PSD2: variants seen among roughly 807,000 people sequenced by gnomAD.
PSD2 encodes the protein pleckstrin and Sec7 domain containing 2, also known as PH and SEC7 domain-containing protein 2.
In PSD2, 38 loss-of-function variants were observed where a neutral mutation model predicts 69.8. The observed-to-expected ratio is 0.54, with a 90% CI of 0.42 to 0.71. The LOEUF (loss-of-function observed/expected upper bound fraction) is 0.71, where lower values mean the gene tolerates loss of function less well. PSD2 is among the 30% of genes least tolerant of loss of function. The pLI is 0.00. For synonymous variants in PSD2, 412 were observed against 423.0 expected, an observed-to-expected ratio of 0.97 and a Z score of 0.32; for missense variants, 943 against 1,014.5, an observed-to-expected ratio of 0.93 and a Z score of 0.96.
upstream of PSD2, among the ~76,000 whole-genome samples, chr5:139,792,197 A>G (rs112703517): frequency 2.5e-3 from 378 of 152,214 alleles, 1 homozygote; most frequent in African/African-American, 7.9e-3. Context: ...GGTTACAACA[A>G]AGCTGTGAAC....
rs1254125295 is a variant in PSD2 at position 139,837,307 on chromosome 5, G to C, written c.1665+69G>C. 3.0e-6 allele frequency: 4 copies of C among 1,351,990 alleles called. No individual in the cohort carries two copies. In the African/African-American group the frequency reaches 1.3e-4, roughly 44 times the overall value. The allele number at this position is 1,351,990 out of a possible 1,614,324, so 83.7% of individuals were successfully genotyped here. ...AGTCCCATCCCGCCCTGGCCTTGTG[G>C]CACCCCGAAGCCCCAGGCAGGACCT... On this transcript the variant is annotated intron_variant, in intron 11 of 14. Coordinates refer to ENST00000274710, the MANE Select transcript of PSD2 (RefSeq NM_032289.4). The surrounding 1 kb of genome is among the most constrained non-coding windows in gnomAD (Gnocchi z 5.0).
chr5:139,840,155 C>G lies in PSD2; in HGVS notation c.2097C>G (p.His699Gln), dbSNP rs1486887513. 1 of 1,614,114 alleles carries G rather than the reference C, an allele frequency of 6.2e-7. No individual in the cohort carries two copies. Among genetic ancestry groups the G allele is most frequent in the Admixed American group, 1.7e-5 (1 of 60,022 alleles). ...KEAEEYRLKE[H>Q]YLTFEKSRYE... is the part of the protein sequence containing the mutation. ...CCGAGGAGTACCGGTTGAAGGAGCA[C>G]TATCTCACCTTCGAGGTGAGCCTTG... Residue 699 changes from histidine to glutamine, a missense_variant, in exon 14 of 15, where the codon CAC (histidine) becomes CAG (glutamine). By Grantham distance (24) the His-to-Gln change is conservative (BLOSUM62 0). Around this residue, in one of 3 missense-constraint regions of PSD2, gnomAD observed 165 missense variants for 168.8 expected, o/e 0.98. Coordinates refer to ENST00000274710, the MANE Select transcript of PSD2 (RefSeq NM_032289.4).
chr5:139,797,162 G>C (rs1234548662), intron 1 of PSD2, among the ~76,000 whole-genome samples: 1 of 152,170 alleles, frequency 6.6e-6, no homozygotes, highest in East Asian at 1.9e-4. Context: ...CAAGTTCTGG[G>C]GCCTGGGATC....
the PSD2 span, chr5:139,772,886 G>C: frequency 6.6e-6 from 1 of 152,198 alleles, no homozygotes; most frequent in African/African-American, 2.4e-5. Context: ...CACCTTGTCT[G>C]TCTTGGTCCC....
chr5:139,824,961 G>C (rs1245911211), intron 7 of PSD2, among the ~76,000 whole-genome samples: 1 of 152,120 alleles, frequency 6.6e-6, no homozygotes, highest in Non-Finnish European at 1.5e-5. Flanking sequence ...AGGGGCTATC[G>C]GGCTATAGGC....
chr5:139,805,038 A>G (rs1201372447), intron 1 of PSD2, among the ~76,000 whole-genome samples: 1 of 149,206 alleles, frequency 6.7e-6, no homozygotes. Flanking sequence ...TGTATTGTGC[A>G]TGTGTGTGCG....
At chr5:139,752,196 GTCTC>G in the PSD2 span, among the ~76,000 whole-genome samples, 1 of 151,984 alleles carries the variant, frequency 6.6e-6, no homozygotes, top group African/African-American at 2.4e-5. Context: ...TACTGGTCAC[GTCTC>G]TCTCTACTAG....
At position 139,799,259 on chromosome 5, in the gene PSD2, C is replaced by T. The variant is rs532482322; in HGVS notation, c.-51+3284C>T. Among the ~76,000 whole-genome samples, 21 of 152,296 alleles carry T rather than the reference C, an allele frequency of 1.4e-4. 1 individual carries two copies. Among genetic ancestry groups the T allele is most frequent in the South Asian group, 4.1e-4 (2 of 4,826 alleles). ...GAAGCTTCATCTACCTGGTAATCTGCGCACCAGGTCAGCAAATCTGACTGA... is the reference window on the plus strand; with the variant it reads ...GAAGCTTCATCTACCTGGTAATCTGTGCACCAGGTCAGCAAATCTGACTGA... On this transcript the variant is annotated intron_variant, in intron 1 of 14. Transcript: ENST00000274710.
upstream of PSD2, among the ~76,000 whole-genome samples, chr5:139,791,613 G>GAAAACAA (rs950679786): frequency 6.6e-6 from 1 of 150,904 alleles, no homozygotes; most frequent in Non-Finnish European, 1.5e-5. Context: ...CCCTCTCTCA[G>GAAAACAA]AAAACAAAAA....
chr5:139,821,142 A>T lies in PSD2; in HGVS notation c.1098-751A>T, dbSNP rs559199962. 2.1e-3 allele frequency among the ~76,000 whole-genome samples: 322 copies of T among 152,314 alleles called. 2 individuals are homozygous for T. Among genetic ancestry groups the T allele is most frequent in the South Asian group, 6.2e-3 (30 of 4,820 alleles). On this transcript the variant is annotated intron_variant, in intron 5 of 14. Coordinates refer to ENST00000274710, the MANE Select transcript of PSD2 (RefSeq NM_032289.4). Reference sequence around the variant, plus strand: ...GAGATGGGGTTTCACCATGTTGGCCAGGCTGGTCTTGAACTCCTGACCTTG... The same window carrying T: ...GAGATGGGGTTTCACCATGTTGGCCTGGCTGGTCTTGAACTCCTGACCTTG...
chr5:139,792,152 A>G (rs568569205), upstream of PSD2, among the ~76,000 whole-genome samples: 9 of 142,110 alleles, frequency 6.3e-5, no homozygotes, highest in African/African-American at 2.4e-4. Flanking sequence ...TGGGGCCTTC[A>G]TCTTGGGGTC....
the PSD2 span, among the ~76,000 whole-genome samples, chr5:139,782,997 A>T: frequency 6.6e-6 from 1 of 152,168 alleles, no homozygotes; most frequent in Admixed American, 6.5e-5. Flanking sequence ...TTAGATGAGA[A>T]CTCACCACTG....
chr5:139,809,932 A>T, intron 2 of PSD2, 121 bp downstream of exon 2: 1 of 1,102,310 alleles, frequency 9.1e-7, no homozygotes. Flanking sequence ...TGGGGATTTC[A>T]TATCCCTCTT....
chr5:139,746,110 G>C, the PSD2 span: 1 of 152,218 alleles, frequency 6.6e-6, no homozygotes, highest in Non-Finnish European at 1.5e-5. This position sits in a 1 kb window ranked among gnomAD's most constrained non-coding sequence, Gnocchi z 4.5. Flanking sequence ...CCAGACTCAA[G>C]TTGGTCATTT....
chr5:139,788,141 T>C, the PSD2 span, among the ~76,000 whole-genome samples: 44,660 of 150,684 alleles, frequency 0.3, 7,151 homozygotes, highest in African/African-American at 0.42. Flanking sequence ...ATTCTGCGTC[T>C]GGCCAGCAGA....
At chr5:139,782,821 T>A in the PSD2 span, among the ~76,000 whole-genome samples, 1 of 152,160 alleles carries the variant, frequency 6.6e-6, no homozygotes. Context: ...TCACTTGGCT[T>A]TATTTTATTT....
chr5:139,752,618 C>T, the PSD2 span, among the ~76,000 whole-genome samples: 17 of 152,286 alleles, frequency 1.1e-4, no homozygotes, highest in South Asian at 2.3e-3. Flanking sequence ...GGCATGTATA[C>T]TCTCCCCCCA....
rs759305241 is a variant in PSD2, at chr5:139,814,274, G to T, written c.926G>T (p.Gly309Val). 1 of 1,613,756 alleles carries T rather than the reference G, an allele frequency of 6.2e-7. No homozygotes were observed. The highest frequency in any genetic ancestry group is 1.3e-5 in the African/African-American group (1 of 75,030). Residue 309 changes from glycine to valine, a missense_variant, in exon 4 of 15, where the codon GGG becomes GTG. Gly to Val is a moderately radical substitution (Grantham distance 109). Transcript: ENST00000274710. This position sits in a 1 kb window ranked among gnomAD's most constrained non-coding sequence, Gnocchi z 4.4. ...SADPLANGCQ[G>V]VSEAAHRLAR... ...GACCCTCTGGCCAACGGGTGCCAGGGGGTCAGTGAAGCTGCTCATCGGCTG... is the reference window on the plus strand; with the variant it reads ...GACCCTCTGGCCAACGGGTGCCAGGTGGTCAGTGAAGCTGCTCATCGGCTG...
Position 139,838,725 on chromosome 5 carries a change from A to T in PSD2, c.1921A>T (p.Lys641Ter). The T allele has an allele frequency of 6.2e-7, 1 of 1,613,778 alleles. No homozygotes were observed. Among genetic ancestry groups the T allele is most frequent in the Non-Finnish European group, 8.5e-7 (1 of 1,179,934 alleles). Residue 641 changes from lysine (K) to a stop codon, truncating the protein, a stop_gained, in exon 13 of 15, where the codon AAG becomes TAG. Transcript: ENST00000274710. LOFTEE classifies it high-confidence loss of function. Reference sequence around the variant, plus strand: ...CCCAGCCGCTGTCAGCTCCATGAAGAAGTTCTGTCGGCCCCTGCTGCCCTC... The same window carrying T: ...CCCAGCCGCTGTCAGCTCCATGAAGTAGTTCTGTCGGCCCCTGCTGCCCTC... ...AFPAAVSSMK[K>*]FCRPLLPSCT...
Sources: allele counts gnomAD v4.1 joint callset (sites outside exome capture counted in the v4.1 genomes callset), GRCh38; gene constraint gnomAD v4.1.1; regional missense constraint gnomAD v4.1.1; non-coding constraint Gnocchi (gnomAD v3.1); transcripts MANE v1.5; gene names NCBI Gene and HGNC (gene_info 2026-07-23, HGNC 2026-07-21).